The following TBCD variants were observed in gnomAD, a reference collection of about 807,000 sequenced individuals.
TBCD encodes the protein tubulin-specific chaperone D.
In TBCD, 105 loss-of-function variants were observed where a neutral mutation model predicts 169.3. The observed-to-expected ratio is 0.62, with a 90% CI of 0.53 to 0.73. The LOEUF (loss-of-function observed/expected upper bound fraction) is 0.73, where lower values mean the gene tolerates loss of function less well. TBCD is among the 30% of genes least tolerant of loss of function. The probability of loss-of-function intolerance (pLI) is 0.00; values close to 1 mark genes in which losing one functional copy is unlikely to be tolerated. For synonymous variants in TBCD, 700 were observed against 643.9 expected (o/e 1.09, Z -1.32); for missense variants, 1,444 against 1,600.1 (o/e 0.90, Z 1.66).
chr17:82,830,441 C>A (rs1276760924), intron 13 of TBCD: 1 of 1,612,126 alleles, frequency 6.2e-7, no homozygotes, highest in Admixed American at 1.7e-5. Context: ...TCGCTGCTGT[C>A]CACCGCGCAT....
chr17:82,929,600 C>T lies in TBCD; in HGVS notation c.2991+100C>T, dbSNP rs1462498367. The stretch of plus-strand genomic sequence containing the variant: ...ATGTATGGAGCTGGGCCTTTTCTTC[C>T]ATTGCTTTCTATCTCTCTCGGGCAT... On this transcript the variant is annotated intron_variant, in intron 32 of 38. Transcript: ENST00000355528. 2.0e-6 allele frequency: 3 copies of T among 1,487,524 alleles called. No individual in the cohort carries two copies. In the African/African-American group the frequency reaches 4.1e-5, roughly 20 times the overall value. The allele number at this position is 1,487,524 out of a possible 1,614,324, so 92.1% of individuals were successfully genotyped here.
intron 20 of TBCD, among the ~76,000 whole-genome samples, chr17:82,906,991 A>C (rs1472930802): frequency 1.3e-5 from 2 of 152,320 alleles, no homozygotes; most frequent in East Asian, 3.9e-4. Context: ...TTCCCCCAGC[A>C]GTGAGATGTG....
intron 17 of TBCD, among the ~76,000 whole-genome samples, chr17:82,899,002 C>T (rs373060929): frequency 3.3e-5 from 5 of 152,250 alleles, no homozygotes; most frequent in African/African-American, 1.2e-4. Context: ...CTGCCCTCGA[C>T]GCGGAGCAGG....
intron 13 of TBCD, among the ~76,000 whole-genome samples, chr17:82,846,686 C>T (rs534052264): frequency 3.9e-4 from 60 of 152,342 alleles, no homozygotes; most frequent in African/African-American, 1.2e-3. Flanking sequence ...TCTCTGCCCC[C>T]GTCACCTCGG....
At chr17:82,916,060 C>A (rs1295961343) in intron 23 of TBCD, among the ~76,000 whole-genome samples, 1 of 152,184 alleles carries the variant, frequency 6.6e-6, no homozygotes, top group Non-Finnish European at 1.5e-5. Context: ...CTTTCTTGTT[C>A]CGTGGGAATT....
chr17:82,800,773 G>C, intron 8 of TBCD, 91 bp from the exon 9 acceptor site: 1 of 1,493,692 alleles, frequency 6.7e-7, no homozygotes, highest in East Asian at 2.4e-5. Context: ...CAAGGCCCCT[G>C]TGGAGCCGGC....
At chr17:82,931,152 G>T (rs2062166900) in intron 33 of TBCD, among the ~76,000 whole-genome samples, 1 of 152,346 alleles carries the variant, frequency 6.6e-6, no homozygotes, top group Admixed American at 6.5e-5. Context: ...TCCTCTGGAA[G>T]GGTTGTTCCC....
chr17:82,872,892 ACGGCTTCTG>A (rs2057690957), intron 14 of TBCD, among the ~76,000 whole-genome samples: 2 of 118,498 alleles, frequency 1.7e-5, no homozygotes, highest in African/African-American at 6.8e-5. Context: ...CTGGTGGCCG[ACGGCTTCTG>A]AGCCAGGCCC....
At chr17:82,810,112 G>A (rs780187515) in intron 12 of TBCD, among the ~76,000 whole-genome samples, 2 of 152,122 alleles carry the variant, frequency 1.3e-5, no homozygotes, top group African/African-American at 2.4e-5. Flanking sequence ...TCTACCCCTC[G>A]CCTACCCATT....
intron 38 of TBCD, 69 bp downstream of exon 38, chr17:82,941,552 C>G (rs942217756): frequency 7.1e-7 from 1 of 1,410,156 alleles, no homozygotes. Flanking sequence ...CTGGGGCCAG[C>G]GGCTGTGCTT....
chr17:82,887,168 T>TGTGTGTGTGTGTGTGTGTGC, intron 15 of TBCD, among the ~76,000 whole-genome samples: 23 of 126,192 alleles, frequency 1.8e-4, no homozygotes, highest in African/African-American at 6.3e-4. Flanking sequence ...TGTGTGTGTG[T>TGTGTGTGTGTGTGTGTGTGC]GCGCGCGCGC....
intron 19 of TBCD, among the ~76,000 whole-genome samples, chr17:82,904,097 G>A (rs556452752): frequency 6.8e-6 from 1 of 147,218 alleles, no homozygotes; most frequent in Non-Finnish European, 1.5e-5. Flanking sequence ...CCTGCCACAC[G>A]ACACTCCCTG....
intron 6 of TBCD, among the ~76,000 whole-genome samples, chr17:82,774,705 C>T (rs1034991789): frequency 6.6e-6 from 1 of 152,164 alleles, no homozygotes; most frequent in Non-Finnish European, 1.5e-5. Flanking sequence ...GTCTACCTGT[C>T]GTTTGTGGTG....
intron 16 of TBCD, among the ~76,000 whole-genome samples, 193 bp from the exon 17 acceptor site, chr17:82,893,354 G>A (rs1036722388): frequency 2.0e-5 from 3 of 152,236 alleles, no homozygotes; most frequent in Admixed American, 6.5e-5. Flanking sequence ...TGTTGCCTGG[G>A]TAGACCGTCA....
intron 16 of TBCD, among the ~76,000 whole-genome samples, chr17:82,892,188 G>C (rs2059189599): frequency 6.6e-6 from 1 of 152,282 alleles, no homozygotes; most frequent in African/African-American, 2.4e-5. Context: ...GCTGGACACA[G>C]AGTCCCCTTG....
intron 6 of TBCD, among the ~76,000 whole-genome samples, chr17:82,776,997 G>A (rs1323556545): frequency 2.6e-5 from 4 of 152,246 alleles, no homozygotes; most frequent in Middle Eastern, 3.4e-3. Context: ...TCTTCCCCAC[G>A]AGTGTGAGTT....
Position 82,890,475 on chromosome 17 carries a change from C to G in TBCD, c.1563+778C>G, listed in dbSNP as rs1223284933. ...ACGTGGGCCTGCGGACCCTTCTGAC[C>G]TGTGGGGAGCCCTCCAGGCAAGGTG... is the stretch of plus-strand genomic sequence containing the variant. On this transcript the variant is annotated intron_variant, in intron 16 of 38. Transcript: ENST00000355528. The surrounding 1 kb of genome is among the most constrained non-coding windows in gnomAD (Gnocchi z 5.3). Among the ~76,000 whole-genome samples the G allele has an allele frequency of 6.6e-6, 1 of 152,158 alleles. No individual in the cohort carries two copies. The highest frequency in any genetic ancestry group is 1.5e-5 in the Non-Finnish European group (1 of 68,022).
At chr17:82,836,711 A>AAACAG (rs1416799228) in intron 13 of TBCD, among the ~76,000 whole-genome samples, 1 of 152,060 alleles carries the variant, frequency 6.6e-6, no homozygotes, top group Admixed American at 6.5e-5. Context: ...AAACAAAACA[A>AAACAG]AACCAAAAAA....
intron 6 of TBCD, among the ~76,000 whole-genome samples, chr17:82,777,243 G>T (rs1197409847): frequency 6.6e-6 from 1 of 152,120 alleles, no homozygotes; most frequent in Admixed American, 6.6e-5. Flanking sequence ...GTCTACAGTA[G>T]AACCCCGCCC....
Sources: gnomAD v4.1 joint callset for allele counts (sites outside exome capture counted in the v4.1 genomes callset) on GRCh38, gnomAD v4.1.1 for gene constraint, Gnocchi (gnomAD v3.1) non-coding constraint, MANE v1.5 for transcripts, NCBI Gene and HGNC (gene_info 2026-07-23, HGNC 2026-07-21) for gene names.